MAP3K4: variants seen among roughly 807,000 people sequenced by gnomAD.
MAP3K4 encodes the protein MAP three kinase 1.
Under a neutral mutation model 185.6 loss-of-function variants are expected in MAP3K4, and 67 were observed. That is an observed-to-expected ratio of 0.36 (90% CI 0.30 to 0.44). The LOEUF is 0.44. Ranked by LOEUF, MAP3K4 falls within the 20% of genes least tolerant of loss-of-function variation. The pLI is 1.00. For missense variants in MAP3K4, 1,551 were observed against 1,995.1 expected (o/e 0.78, Z 4.24); for synonymous variants, 702 against 710.4 (o/e 0.99, Z 0.19).
chr6:161,089,592 A>G, intron 11 of MAP3K4, 121 bp downstream of exon 11: 1 of 935,170 alleles, frequency 1.1e-6, no homozygotes, highest in Non-Finnish European at 1.6e-6. Flanking sequence ...CTGCCCACTC[A>G]CCTCTCTTCC....
intron 5 of MAP3K4, among the ~76,000 whole-genome samples, chr6:161,078,671 C>T (rs1050827780): frequency 6.6e-6 from 1 of 152,102 alleles, no homozygotes; most frequent in Non-Finnish European, 1.5e-5. Flanking sequence ...GAGAAAGGGC[C>T]ACTGGAGATG....
intron 10 of MAP3K4, 27 bp from the exon 11 acceptor site, chr6:161,089,295 A>C: frequency 1.2e-6 from 2 of 1,606,064 alleles, no homozygotes; most frequent in Non-Finnish European, 1.7e-6. Flanking sequence ...GTTGGTTTTT[A>C]TGTCCTGTGC....
intron 1 of MAP3K4, among the ~76,000 whole-genome samples, chr6:161,026,838 T>G (rs1196541636): frequency 6.6e-6 from 1 of 151,540 alleles, no homozygotes; most frequent in Non-Finnish European, 1.5e-5. Flanking sequence ...TGTGTTGTAT[T>G]TATATAGTTT....
rs1785852973 is a variant in MAP3K4 at position 161,088,486 on chromosome 6, G to C, written c.2823+532G>C. 1.3e-5 allele frequency among the ~76,000 whole-genome samples: 2 copies of C among 152,140 alleles called. No individual in the cohort carries two copies. The highest frequency in any genetic ancestry group is 2.1e-4 in the South Asian group (1 of 4,816). The stretch of plus-strand genomic sequence containing the variant: ...ATGCACCTTGAGCTCAGCCTCACCA[G>C]AACTGAGTATACACTGGCCTGCTGT... On this transcript the variant is annotated intron_variant, in intron 10 of 26. Coordinates refer to ENST00000392142, the MANE Select transcript of MAP3K4 (RefSeq NM_005922.4). This position sits in a 1 kb window ranked among gnomAD's most constrained non-coding sequence, Gnocchi z 4.5.
chr6:161,033,266 GAGGT>G (rs1332596701), intron 1 of MAP3K4, among the ~76,000 whole-genome samples: 9 of 152,114 alleles, frequency 5.9e-5, no homozygotes, highest in African/African-American at 2.2e-4. Context: ...TGTTCAGAAA[GAGGT>G]AGACTGTGAT....
chr6:161,003,513 A>C (rs1354304640), intron 1 of MAP3K4, among the ~76,000 whole-genome samples: 1 of 152,108 alleles, frequency 6.6e-6, no homozygotes. Context: ...GTATCTTCTC[A>C]AAGTTGTTTA....
At chr6:161,020,656 TAAAAAAAAAA>T (rs775816898) in intron 1 of MAP3K4, among the ~76,000 whole-genome samples, 1 of 96,484 alleles carries the variant, frequency 1.0e-5, no homozygotes. Context: ...AGACTCTGTC[TAAAAAAAAAA>T]AAAAAAAACA....
chr6:161,060,138 G>A (rs1784421509), intron 3 of MAP3K4, among the ~76,000 whole-genome samples: 1 of 152,144 alleles, frequency 6.6e-6, no homozygotes, highest in Admixed American at 6.5e-5. Flanking sequence ...GGGCTGAAAA[G>A]TGAGGATATT....
chr6:161,004,485 C>T (rs1781482437), intron 1 of MAP3K4, among the ~76,000 whole-genome samples: 2 of 152,178 alleles, frequency 1.3e-5, no homozygotes, highest in Non-Finnish European at 2.9e-5. Context: ...TAATTATTTT[C>T]TAGCACTTCT....
intron 15 of MAP3K4, among the ~76,000 whole-genome samples, chr6:161,094,130 T>TC (rs1562535744): frequency 1.3e-5 from 2 of 152,150 alleles, no homozygotes; most frequent in Admixed American, 6.5e-5. Flanking sequence ...CATTCTTTTT[T>TC]CCCCCTTACC....
Position 161,064,280 on chromosome 6 carries a change from C to A in MAP3K4, c.1708-6328C>A, listed in dbSNP as rs1379804810. On this transcript the variant is annotated intron_variant, in intron 3 of 26. Coordinates refer to ENST00000392142, the MANE Select transcript of MAP3K4 (RefSeq NM_005922.4). The surrounding 1 kb of genome is among the most constrained non-coding windows in gnomAD (Gnocchi z 4.3). ...CATGTATTTTTGTGTTTAATACATA[C>A]TTTGATTTCCCATAATAACCAGTAA... Among the ~76,000 whole-genome samples the A allele has an allele frequency of 1.3e-5, 2 of 152,148 alleles. No homozygotes were observed. The highest frequency in any genetic ancestry group is 2.9e-5 in the Non-Finnish European group (2 of 68,024).
Position 161,091,435 on chromosome 6 carries a change from C to A in MAP3K4, c.3030C>A (p.His1010Gln). ...RISNAIDRVD[H>Q]MFTSEFDAEV... ...GCAATGCCATTGACCGCGTGGACCACATGTTCACATCAGAATTTGATGCTG... is the reference window on the plus strand; with the variant it reads ...GCAATGCCATTGACCGCGTGGACCAAATGTTCACATCAGAATTTGATGCTG... Residue 1010 changes from histidine (H) to glutamine (Q), a missense_variant, in exon 12 of 27, where the codon CAC (histidine) becomes CAA (glutamine). This residue lies in a region of MAP3K4 where 261 missense variants were observed against 306.5 expected (regional missense o/e 0.85). Transcript: ENST00000392142. The surrounding 1 kb of genome is among the most constrained non-coding windows in gnomAD (Gnocchi z 5.5). The A allele has an allele frequency of 6.2e-7, 1 of 1,614,024 alleles. No individual in the cohort carries two copies. The highest frequency in any genetic ancestry group is 8.5e-7 in the Non-Finnish European group (1 of 1,179,956).
intron 1 of MAP3K4, chr6:160,992,328 T>G: frequency 1.9e-6 from 1 of 533,506 alleles, no homozygotes; most frequent in Non-Finnish European, 3.2e-6. Context: ...CCGGCTCCCC[T>G]TCCCTTGTAG....
At position 161,091,198 on chromosome 6, in the gene MAP3K4, A is replaced by G. The variant is rs547086251; in HGVS notation, c.2974-181A>G. Reference sequence around the variant, plus strand: ...TTTTAAATGCATTTTTTTCTCTTCTATTTAAGAATGCCAAATAAAATGACA... The same window carrying G: ...TTTTAAATGCATTTTTTTCTCTTCTGTTTAAGAATGCCAAATAAAATGACA... On this transcript the variant is annotated intron_variant, in intron 11 of 26. Transcript: ENST00000392142. The surrounding 1 kb of genome is among the most constrained non-coding windows in gnomAD (Gnocchi z 5.5). Among the ~76,000 whole-genome samples the G allele has an allele frequency of 1.2e-4, 19 of 152,276 alleles. No individual in the cohort carries two copies. Among genetic ancestry groups the G allele is most frequent in the South Asian group, 4.1e-4 (2 of 4,824 alleles).
rs1308785634 is a variant in MAP3K4 at position 161,108,775 on chromosome 6, C to T, written c.4152C>T (p.Ile1384=). 2 of 1,613,840 alleles carry T rather than the reference C, an allele frequency of 1.2e-6. No individual in the cohort carries two copies. The highest frequency in any genetic ancestry group is 1.7e-6 in the Non-Finnish European group (2 of 1,179,832). Residue 1384 remains isoleucine (I), a synonymous_variant, in exon 22 of 27, where the codon ATC becomes ATT. Coordinates refer to ENST00000392142, the MANE Select transcript of MAP3K4 (RefSeq NM_005922.4). The surrounding 1 kb of genome is among the most constrained non-coding windows in gnomAD (Gnocchi z 5.7). ...TTCAACCTAATGACCATAAGACTAT[C>T]AAGGAAACTGCAGACGAATTGAAAA... is the stretch of plus-strand genomic sequence containing the variant. The part of the protein sequence containing the change: ...IRFQPNDHKT[I]KETADELKIF...
intron 3 of MAP3K4, among the ~76,000 whole-genome samples, chr6:161,057,015 A>T (rs1316065250): frequency 6.6e-6 from 1 of 152,218 alleles, no homozygotes; most frequent in African/African-American, 2.4e-5. Flanking sequence ...AATAAGATGA[A>T]TATATTGTAA....
At position 161,051,154 on chromosome 6, in the gene MAP3K4, T is replaced by C. The variant is rs6907282; in HGVS notation, c.1707+1175T>C. Among the ~76,000 whole-genome samples the C allele has an allele frequency of 0.99, 150,421 of 152,370 alleles. 74,254 individuals are homozygous for C. The highest frequency in any genetic ancestry group is 1 in the East Asian group (5,193 of 5,194). ...CAGATGTAGTTTTTCTTCCCAAATA[T>C]TTCTGATCTGCAGTTGGTTGAATTC... On this transcript the variant is annotated intron_variant, in intron 3 of 26. Coordinates refer to ENST00000392142, the MANE Select transcript of MAP3K4 (RefSeq NM_005922.4). This position sits in a 1 kb window ranked among gnomAD's most constrained non-coding sequence, Gnocchi z 4.2.
Position 161,087,690 on chromosome 6 carries a change from G to A in MAP3K4, c.2559G>A (p.Val853=), listed in dbSNP as rs749519515. Residue 853 remains valine (V), a splice_region_variant and synonymous_variant, in exon 10 of 27, where the codon GTG becomes GTA. Coordinates refer to ENST00000392142, the MANE Select transcript of MAP3K4 (RefSeq NM_005922.4). The surrounding 1 kb of genome is among the most constrained non-coding windows in gnomAD (Gnocchi z 4.9). ...DVLKSKQYVK[V]QIPGLENLQM... ...ATTTTGGATTATGTCTTTTGCAGGT[G>A]CAAATTCCTGGGTTAGAAAACTTGC... 1.7e-5 allele frequency: 28 copies of A among 1,613,710 alleles called. No individual in the cohort carries two copies. The highest frequency in any genetic ancestry group is 2.0e-5 in the Non-Finnish European group (24 of 1,179,972).
chr6:161,085,711 GT>G (rs1239622826), intron 7 of MAP3K4, among the ~76,000 whole-genome samples: 6 of 152,242 alleles, frequency 3.9e-5, no homozygotes, highest in Non-Finnish European at 8.8e-5. Context: ...AGGTCTCACA[GT>G]TTTGAGAGCT....
Sources: allele counts gnomAD v4.1 joint callset (sites outside exome capture counted in the v4.1 genomes callset), GRCh38; gene constraint gnomAD v4.1.1; regional missense constraint gnomAD v4.1.1; non-coding constraint Gnocchi (gnomAD v3.1); transcripts MANE v1.5; gene names NCBI Gene and HGNC (gene_info 2026-07-23, HGNC 2026-07-21).